The following FMN1 variants were observed in gnomAD, a reference collection of about 807,000 sequenced individuals.
FMN1 encodes formin 1, also known as formin-1.
FMN1 carries 110 observed loss-of-function variants against 132.4 expected under a neutral mutation model. That is an observed-to-expected ratio of 0.83 (90% confidence interval 0.71 to 0.97). The LOEUF (loss-of-function observed/expected upper bound fraction) is 0.97, where lower values mean the gene tolerates loss of function less well. Among genes scored for constraint, FMN1 ranks in the 50% least tolerant of loss-of-function variants. The probability of loss-of-function intolerance (pLI) is 0.00; values close to 1 mark genes in which losing one functional copy is unlikely to be tolerated. For missense variants in FMN1, 1,792 were observed against 1,705.3 expected (o/e 1.05, Z -0.90); for synonymous variants, 722 against 651.7 (o/e 1.11, Z -1.64).
In FMN1 at chr15:32,926,175, C is replaced by T. The variant is rs951146544; in HGVS notation, c.3225G>A (p.Gln1075=). Residue 1075 remains glutamine (Q), a splice_region_variant and synonymous_variant, in exon 10 of 21, where the codon CAG becomes CAA. Transcript: ENST00000616417. ...SLHLEMKDIQ[Q]AIFNVDDSVV... ...ACAAAAGTGATAGAAAAGACTTACC[C>T]TGTTGGATATCCTTCATTTCTAAAT... is the stretch of plus-strand genomic sequence containing the variant. 2.0e-6 allele frequency: 3 copies of T among 1,465,078 alleles called. No individual in the cohort carries two copies. The highest frequency in any genetic ancestry group is 2.5e-5 in the South Asian group (2 of 80,002). The allele number at this position is 1,465,078 out of a possible 1,614,324, so 90.8% of individuals were successfully genotyped here.
At chr15:32,930,665 G>T (rs962371916) in intron 9 of FMN1, among the ~76,000 whole-genome samples, 3 of 151,744 alleles carry the variant, frequency 2.0e-5, no homozygotes, top group African/African-American at 7.3e-5. Context: ...TTGCTGAGCA[G>T]AAGCTTTTTC....
At chr15:33,025,898 G>A (rs1288814560) in intron 6 of FMN1, among the ~76,000 whole-genome samples, 3 of 152,116 alleles carry the variant, frequency 2.0e-5, no homozygotes, top group Non-Finnish European at 2.9e-5. Flanking sequence ...CAGGAGGCAC[G>A]ATTTAAAATG....
chr15:32,844,016 G>T (rs979165208), intron 17 of FMN1, among the ~76,000 whole-genome samples: 1 of 152,174 alleles, frequency 6.6e-6, no homozygotes, highest in Non-Finnish European at 1.5e-5. Flanking sequence ...AAAACTGGGA[G>T]GGAAAGGTAG....
In FMN1 at chr15:32,857,008, T is replaced by C. The variant is rs752251489; in HGVS notation, c.3928+7A>G. 2.5e-6 allele frequency: 4 copies of C among 1,603,790 alleles called. No homozygotes were observed. Among genetic ancestry groups the C allele is most frequent in the South Asian group, 1.1e-5 (1 of 90,862 alleles). On this transcript the variant is annotated splice_region_variant and intron_variant, in intron 17 of 20. Coordinates refer to ENST00000616417, the MANE Select transcript of FMN1 (RefSeq NM_001277313.2). ...CACGTGTATGTGCGGCTGACAAAGCTTCCTACCTTTTTGGAAGAACTCCTC... is the reference window on the plus strand; with the variant it reads ...CACGTGTATGTGCGGCTGACAAAGCCTCCTACCTTTTTGGAAGAACTCCTC...
intron 6 of FMN1, among the ~76,000 whole-genome samples, chr15:33,039,834 T>C (rs1467564375): frequency 6.6e-6 from 1 of 152,188 alleles, no homozygotes; most frequent in Non-Finnish European, 1.5e-5. Context: ...AAGTCATTGG[T>C]TGCCTCTATC....
At chr15:32,836,460 A>G (rs1361135909) in intron 17 of FMN1, among the ~76,000 whole-genome samples, 1 of 152,134 alleles carries the variant, frequency 6.6e-6, no homozygotes, top group East Asian at 1.9e-4. Context: ...GCAATAATTC[A>G]TATTCTAACT....
intron 5 of FMN1, 42 bp from the exon 6 acceptor site, chr15:33,065,116 A>G (rs1473811369): frequency 7.4e-7 from 1 of 1,352,056 alleles, no homozygotes; most frequent in Non-Finnish European, 1.0e-6. Context: ...ATGTAGTCAG[A>G]GCCGATTAAT....
chr15:33,049,949 T>C (rs2036890588), intron 6 of FMN1, among the ~76,000 whole-genome samples: 1 of 152,228 alleles, frequency 6.6e-6, no homozygotes, highest in Non-Finnish European at 1.5e-5. Context: ...TTAAACTCCT[T>C]TAAATTTAAT....
intron 4 of FMN1, among the ~76,000 whole-genome samples, chr15:33,129,183 TTAAG>T (rs1566943015): frequency 6.6e-6 from 1 of 152,202 alleles, no homozygotes. Context: ...AAAACAGCAA[TTAAG>T]TAATACCACA....
chr15:32,928,831 T>C (rs1240369619), intron 9 of FMN1, among the ~76,000 whole-genome samples: 1 of 152,200 alleles, frequency 6.6e-6, no homozygotes, highest in African/African-American at 2.4e-5. Flanking sequence ...AAACTACCAG[T>C]AATACTCTGC....
At position 32,780,802 on chromosome 15, in the gene FMN1, C is replaced by T. The variant is rs374373711; in HGVS notation, c.4131-3883G>A. On this transcript the variant is annotated intron_variant, in intron 19 of 20. Coordinates refer to ENST00000616417, the MANE Select transcript of FMN1 (RefSeq NM_001277313.2). ...TATCAGCAGTACAGCTCCAGGCAGG[C>T]GGTAATAGCAGAATAAATGTAAGCT... Among the ~76,000 whole-genome samples the T allele has an allele frequency of 1.5e-4, 23 of 152,232 alleles. 1 individual carries two copies. Among genetic ancestry groups the T allele is most frequent in the South Asian group, 1.5e-3 (7 of 4,822 alleles).
chr15:32,778,236 A>G (rs1567151976), intron 19 of FMN1, among the ~76,000 whole-genome samples: 2 of 136,572 alleles, frequency 1.5e-5, no homozygotes, highest in African/African-American at 5.4e-5. Context: ...TTATTTATAT[A>G]TTATATAATA....
chr15:32,766,876 T>C lies in FMN1; in HGVS notation c.*7434A>G, dbSNP rs1210310055. 4.6e-5 allele frequency: 7 copies of C among 152,202 alleles called. No homozygotes were observed. The highest frequency in any genetic ancestry group is 1.7e-4 in the African/African-American group (7 of 41,432). The allele number at this position is 152,202 out of a possible 1,614,324, so 9.4% of individuals were successfully genotyped here. A position where few individuals can be genotyped will look rare whatever the true frequency, so the allele number is the denominator to read the frequency against. On this transcript the variant is annotated 3_prime_UTR_variant, in exon 21 of 21. Transcript: ENST00000616417. The stretch of plus-strand genomic sequence containing the variant: ...GGAAAAGGACGAGGAAACAGAAGTA[T>C]TGAAAGAAGAAAGTGAAACAAAGCT...
intron 5 of FMN1, among the ~76,000 whole-genome samples, chr15:33,079,468 C>G (rs2038361914): frequency 6.6e-6 from 1 of 152,178 alleles, no homozygotes; most frequent in Non-Finnish European, 1.5e-5. Context: ...ACTGAAAATA[C>G]AAAAACCAGC....
At chr15:33,095,288 C>T (rs1319943886) in intron 4 of FMN1, among the ~76,000 whole-genome samples, 2 of 152,092 alleles carry the variant, frequency 1.3e-5, no homozygotes, top group Non-Finnish European at 2.9e-5. Context: ...GCAGAGGTTG[C>T]AGTGAGCCGA....
chr15:32,812,453 G>C (rs186358039), intron 17 of FMN1, among the ~76,000 whole-genome samples: 5 of 152,120 alleles, frequency 3.3e-5, no homozygotes, highest in African/African-American at 1.2e-4. Context: ...TTGGGGATGG[G>C]ACCCAAGTCT....
At chr15:33,077,782 A>G (rs1252381349) in intron 5 of FMN1, among the ~76,000 whole-genome samples, 1 of 140,960 alleles carries the variant, frequency 7.1e-6, no homozygotes, top group Non-Finnish European at 1.6e-5. Flanking sequence ...CAAAGAACTC[A>G]AACAAATTTA....
rs1403088541 is a variant in FMN1 at position 33,096,006 on chromosome 15, A to AAAAAAAAG, written c.1868-7040_1868-7033dup. 3.9e-5 allele frequency among the ~76,000 whole-genome samples: 6 copies of AAAAAAAAG among 152,134 alleles called. No individual in the cohort carries two copies. The South Asian group carries it at 8.3e-4, about 21-fold the overall frequency. Reference sequence around the variant, plus strand: ...TACGTAACAAGGTAAATACCAAAAAAAAAAAAAGAAGGCACATTTACTATT... The same window carrying AAAAAAAAG: ...TACGTAACAAGGTAAATACCAAAAAAAAAAAAAGAAAAAAAGAAGGCACATTTACTATT... On this transcript the variant is annotated intron_variant, in intron 4 of 20. Transcript: ENST00000616417.
At chr15:32,996,769 A>C (rs1036009459) in intron 7 of FMN1, among the ~76,000 whole-genome samples, 1 of 152,176 alleles carries the variant, frequency 6.6e-6, no homozygotes, top group South Asian at 2.1e-4. Context: ...TATGAATTCC[A>C]AAGTCTATGA....
Sources: gnomAD v4.1 joint callset for allele counts (sites outside exome capture counted in the v4.1 genomes callset) on GRCh38, gnomAD v4.1.1 for gene constraint, MANE v1.5 for transcripts, NCBI Gene and HGNC (gene_info 2026-07-23, HGNC 2026-07-21) for gene names.